IGSF21: variants seen among roughly 807,000 people sequenced by gnomAD.
The protein encoded by IGSF21 is immunoglobin superfamily member 21, also known as immunoglobulin superfamily member 21.
In IGSF21, 28 loss-of-function variants were observed where a neutral mutation model predicts 46.8. The observed-to-expected ratio is 0.60, with a 90% CI of 0.44 to 0.82. IGSF21 has a LOEUF of 0.82. Among genes scored for constraint, IGSF21 ranks in the 40% least tolerant of loss-of-function variants. The probability of loss-of-function intolerance (pLI) is 0.00; values close to 1 mark genes in which losing one functional copy is unlikely to be tolerated. For missense variants in IGSF21, 624 were observed against 665.5 expected, an observed-to-expected ratio of 0.94 and a Z score of 0.69; for synonymous variants, 284 against 273.6, an observed-to-expected ratio of 1.04 and a Z score of -0.38.
At chr1:18,129,873 C>T (rs1322528486) in intron 1 of IGSF21, among the ~76,000 whole-genome samples, 1 of 152,178 alleles carries the variant, frequency 6.6e-6, no homozygotes, top group African/African-American at 2.4e-5. Context: ...TGAGTCTGGC[C>T]CCTCTTGCCC....
At chr1:18,369,252 T>C (rs1394172196) in intron 6 of IGSF21, among the ~76,000 whole-genome samples, 1 of 152,180 alleles carries the variant, frequency 6.6e-6, no homozygotes, top group Non-Finnish European at 1.5e-5. Context: ...TGAGTCTCAG[T>C]TTTCTGACCT....
intron 1 of IGSF21, among the ~76,000 whole-genome samples, chr1:18,153,901 G>T (rs746344519): frequency 3.3e-5 from 5 of 152,184 alleles, no homozygotes; most frequent in Non-Finnish European, 5.9e-5. Context: ...CCCTCATGCA[G>T]CCCTGAGCCC....
chr1:18,306,980 T>G (rs888267309), intron 3 of IGSF21, among the ~76,000 whole-genome samples: 1 of 152,236 alleles, frequency 6.6e-6, no homozygotes, highest in South Asian at 2.1e-4. Context: ...CGATTGGTTC[T>G]GCGTATTCGC....
At chr1:18,253,854 T>G (rs2084865418) in intron 2 of IGSF21, among the ~76,000 whole-genome samples, 1 of 152,174 alleles carries the variant, frequency 6.6e-6, no homozygotes, top group African/African-American at 2.4e-5. Flanking sequence ...AAAGAAGCCT[T>G]TCTGAAACAG....
chr1:18,143,205 C>T (rs1341776156), intron 1 of IGSF21, among the ~76,000 whole-genome samples: 1 of 152,220 alleles, frequency 6.6e-6, no homozygotes, highest in Non-Finnish European at 1.5e-5. Flanking sequence ...TGGAGTGCAG[C>T]CGTGATTTAA....
intron 4 of IGSF21, among the ~76,000 whole-genome samples, chr1:18,357,522 G>T (rs567602606): frequency 1.3e-5 from 2 of 150,000 alleles, no homozygotes; most frequent in African/African-American, 2.5e-5. Context: ...CAGGTGGAGA[G>T]GGGGAGTGGG....
chr1:18,281,730 C>T lies in IGSF21; in HGVS notation c.184-10136C>T, dbSNP rs536923565. ...TCTCTTTAGGGGCAAGCCATGTGAC[C>T]CTGAACCCTGTCTCTAATGCTGGGA... On this transcript the variant is annotated intron_variant, in intron 2 of 9. Coordinates refer to ENST00000251296, the MANE Select transcript of IGSF21 (RefSeq NM_032880.5). Among the ~76,000 whole-genome samples the T allele has an allele frequency of 1.8e-4, 28 of 152,178 alleles. 1 individual carries two copies. The South Asian group carries it at 5.6e-3, about 30-fold the overall frequency.
intron 3 of IGSF21, among the ~76,000 whole-genome samples, chr1:18,333,511 G>T (rs935006938): frequency 3.3e-5 from 5 of 152,216 alleles, no homozygotes; most frequent in African/African-American, 9.6e-5. Flanking sequence ...GGACATCATT[G>T]CATTTAATCT....
intron 1 of IGSF21, among the ~76,000 whole-genome samples, chr1:18,134,347 C>T (rs2086349790): frequency 6.6e-6 from 1 of 152,064 alleles, no homozygotes; most frequent in Admixed American, 6.5e-5. Flanking sequence ...ATTTGAGCTG[C>T]CAGAGATGTT....
At chr1:18,317,702 C>T (rs1213350509) in intron 3 of IGSF21, among the ~76,000 whole-genome samples, 1 of 152,226 alleles carries the variant, frequency 6.6e-6, no homozygotes, top group Non-Finnish European at 1.5e-5. Flanking sequence ...TCTCAAAAGA[C>T]AGCAGAGGAG....
At chr1:18,203,537 G>A (rs1245930174) in intron 1 of IGSF21, among the ~76,000 whole-genome samples, 1 of 152,216 alleles carries the variant, frequency 6.6e-6, no homozygotes, top group Non-Finnish European at 1.5e-5. Context: ...TTGAACTCTT[G>A]ACCTCAAGTG....
At chr1:18,312,509 G>T (rs769463749) in intron 3 of IGSF21, among the ~76,000 whole-genome samples, 2 of 151,518 alleles carry the variant, frequency 1.3e-5, no homozygotes, top group Admixed American at 6.6e-5. Context: ...AGTGTTGATC[G>T]GGCTGTGCTT....
chr1:18,346,700 G>A (rs546263874), intron 4 of IGSF21, among the ~76,000 whole-genome samples: 1 of 152,290 alleles, frequency 6.6e-6, no homozygotes, highest in African/African-American at 2.4e-5. Context: ...GGGTGGAGAG[G>A]CCAGGGCCTA....
chr1:18,326,452 A>G (rs1314020400), intron 3 of IGSF21, among the ~76,000 whole-genome samples: 1 of 152,216 alleles, frequency 6.6e-6, no homozygotes, highest in African/African-American at 2.4e-5. Flanking sequence ...CTCTGTCCCC[A>G]GCCCTTTAGA....
At chr1:18,137,784 T>C (rs1191798432) in intron 1 of IGSF21, among the ~76,000 whole-genome samples, 1 of 152,178 alleles carries the variant, frequency 6.6e-6, no homozygotes. Flanking sequence ...TTAACAAATA[T>C]TTATGTAGTG....
intron 1 of IGSF21, among the ~76,000 whole-genome samples, chr1:18,220,203 C>G (rs564390666): frequency 9.8e-5 from 15 of 152,314 alleles, no homozygotes; most frequent in African/African-American, 3.1e-4. Context: ...GCATGGTTAA[C>G]GTCTCATATC....
intron 1 of IGSF21, among the ~76,000 whole-genome samples, chr1:18,204,986 G>A (rs2087111708): frequency 6.6e-6 from 1 of 152,144 alleles, no homozygotes; most frequent in African/African-American, 2.4e-5. Flanking sequence ...GCCTCTGAGA[G>A]GATTTCCAAA....
At chr1:18,377,520 A>C in intron 9 of IGSF21, 89 bp downstream of exon 9, 1 of 1,042,492 alleles carries the variant, frequency 9.6e-7, no homozygotes, top group Non-Finnish European at 1.5e-6. Context: ...TCCCATATGC[A>C]CACCCTTGCC....
At chr1:18,241,989 G>C (rs891510862) in intron 2 of IGSF21, among the ~76,000 whole-genome samples, 1 of 152,180 alleles carries the variant, frequency 6.6e-6, no homozygotes, top group Non-Finnish European at 1.5e-5. Context: ...CCTCCTCCGT[G>C]GGGGAGAGAT....
Sources: gnomAD v4.1 joint callset for allele counts (sites outside exome capture counted in the v4.1 genomes callset) on GRCh38, gnomAD v4.1.1 for gene constraint, MANE v1.5 for transcripts, NCBI Gene and HGNC (gene_info 2026-07-23, HGNC 2026-07-21) for gene names.